MSH5: variants seen among roughly 807,000 people sequenced by gnomAD.
MSH5 encodes mutS protein homolog 5.
MSH5 carries 78 observed loss-of-function variants against 107.7 expected under a neutral mutation model. The ratio of observed to expected loss-of-function variants is 0.72; its 90% CI spans 0.60 to 0.87. MSH5 has a LOEUF of 0.87. Ranked by LOEUF, MSH5 falls within the 40% of genes least tolerant of loss-of-function variation. The pLI is 0.00. For synonymous variants in MSH5, 326 were observed against 399.5 expected (o/e 0.82, Z 2.19); for missense variants, 889 against 1,046.6 (o/e 0.85, Z 2.08).
Position 31,745,225 on chromosome 6 carries a change from TCTC to T in MSH5, c.684-8_684-6del. On this transcript the variant is annotated splice_polypyrimidine_tract_variant and intron_variant, in intron 8 of 24. Coordinates refer to ENST00000375750, the MANE Select transcript of MSH5 (RefSeq NM_172166.4). ...CCAAGTTACCCCAAACTCCTCCATT[TCTC>T]CTCGACAGTGTTCTACAGATTTTTA... 1 of 1,592,280 alleles carries T rather than the reference TCTC, an allele frequency of 6.3e-7. No individual in the cohort carries two copies. The highest frequency in any genetic ancestry group is 8.6e-7 in the Non-Finnish European group (1 of 1,160,334).
chr6:31,748,634 G>T (rs1237213196), intron 10 of MSH5, among the ~76,000 whole-genome samples: 1 of 151,922 alleles, frequency 6.6e-6, no homozygotes, highest in African/African-American at 2.4e-5. Flanking sequence ...GAGTCACTGC[G>T]CCTGGCCGTC....
At chr6:31,753,734 T>A in intron 12 of MSH5, 105 bp downstream of exon 12, 7 of 210,284 alleles carry the variant, frequency 3.3e-5, no homozygotes, top group Non-Finnish European at 5.5e-5. Context: ...TTCTACCCTC[T>A]TTTTTTTTTT....
chr6:31,749,629 A>G (rs1809777234), intron 10 of MSH5, among the ~76,000 whole-genome samples: 2 of 151,762 alleles, frequency 1.3e-5, no homozygotes, highest in South Asian at 4.1e-4. Context: ...GTTGATGTGC[A>G]CCTTCTTTGT....
At chr6:31,753,866 C>G (rs994857457) in intron 12 of MSH5, 19 of 465,372 alleles carry the variant, frequency 4.1e-5, no homozygotes, top group South Asian at 7.8e-5. Context: ...GTTGGGATTA[C>G]AAGCGCCCGC....
chr6:31,758,193 A>G lies in MSH5; in HGVS notation c.1043A>G (p.Asp348Gly). Residue 348 changes from aspartate to glycine, a missense_variant, in exon 13 of 25, where the codon GAT becomes GGT. By Grantham distance (94) the Asp-to-Gly change is moderately conservative. Coordinates refer to ENST00000375750, the MANE Select transcript of MSH5 (RefSeq NM_172166.4). This position sits in a 1 kb window ranked among gnomAD's most constrained non-coding sequence, Gnocchi z 5.1. ...GTGTACAGTGCCCTGGGCCTGAGGG[A>G]TGCCTGCCGCTCCCTGCCGCAGTCC... ...KTVYSALGLR[D>G]ACRSLPQSIQ... The G allele has an allele frequency of 6.2e-7, 1 of 1,612,938 alleles. No individual in the cohort carries two copies. Among genetic ancestry groups the G allele is most frequent in the Non-Finnish European group, 8.5e-7 (1 of 1,180,006 alleles).
At chr6:31,744,475 A>G (rs1320443835) in intron 7 of MSH5, 71 bp from the exon 8 acceptor site, 48 of 1,576,998 alleles carry the variant, frequency 3.0e-5, no homozygotes, top group Non-Finnish European at 4.0e-5. Flanking sequence ...ATATTCAGAG[A>G]GGGGGACAAA....
chr6:31,741,138 A>G, intron 2 of MSH5, 25 bp from the exon 3 acceptor site: 1 of 1,612,056 alleles, frequency 6.2e-7, no homozygotes, highest in Non-Finnish European at 8.5e-7. Flanking sequence ...TCTAATAGTG[A>G]TTTCCTTTCT....
intron 3 of MSH5, 87 bp downstream of exon 3, chr6:31,741,373 ACACACACACATAT>A (rs1808878494): frequency 2.3e-5 from 22 of 964,246 alleles, no homozygotes; most frequent in Admixed American, 2.4e-5. Context: ...ACACACACAC[ACACACACACATAT>A]TTTTTTTTTC....
At chr6:31,747,729 G>T (rs957391407) in intron 10 of MSH5, among the ~76,000 whole-genome samples, 4 of 152,142 alleles carry the variant, frequency 2.6e-5, no homozygotes, top group South Asian at 2.1e-4. Flanking sequence ...TGTAAGGCCG[G>T]GCACAGTGGC....
Position 31,759,729 on chromosome 6 carries a change from C to G in MSH5, c.1496-57C>G. On this transcript the variant is annotated intron_variant, in intron 17 of 24. Coordinates refer to ENST00000375750, the MANE Select transcript of MSH5 (RefSeq NM_172166.4). The surrounding 1 kb of genome is among the most constrained non-coding windows in gnomAD (Gnocchi z 4.7). Reference sequence around the variant, plus strand: ...TCCAGATCCCCCTAGGGGCCTCTGCCTCTCCTTCACTTTCCCCTGGAACTG... The same window carrying G: ...TCCAGATCCCCCTAGGGGCCTCTGCGTCTCCTTCACTTTCCCCTGGAACTG... The G allele has an allele frequency of 2.5e-6, 4 of 1,585,250 alleles. No individual in the cohort carries two copies. Among genetic ancestry groups the G allele is most frequent in the Non-Finnish European group, 3.4e-6 (4 of 1,164,326 alleles).
Position 31,762,437 on chromosome 6 carries a change from A to G in MSH5, c.2411A>G (p.Asp804Gly), listed in dbSNP as rs2151381949. The G allele has an allele frequency of 2.5e-6, 4 of 1,613,486 alleles. No homozygotes were observed. Among genetic ancestry groups the G allele is most frequent in the Non-Finnish European group, 8.5e-7 (1 of 1,179,582 alleles). ...TTCTTCAGTTGCCAGACATTAGTGGATAAGTTTATGAAACTGGATTTGGAA... is the reference window on the plus strand; with the variant it reads ...TTCTTCAGTTGCCAGACATTAGTGGGTAAGTTTATGAAACTGGATTTGGAA... ...NQMENCQTLV[D>G]KFMKLDLEDP... Residue 804 changes from aspartate to glycine, a missense_variant, in exon 25 of 25, where the codon GAT (aspartate) becomes GGT (glycine). Asp to Gly is a moderately conservative substitution (Grantham distance 94). Coordinates refer to ENST00000375750, the MANE Select transcript of MSH5 (RefSeq NM_172166.4).
chr6:31,744,764 T>G (rs1369028601), intron 8 of MSH5, among the ~76,000 whole-genome samples, 183 bp downstream of exon 8: 1 of 152,028 alleles, frequency 6.6e-6, no homozygotes, highest in Non-Finnish European at 1.5e-5. Flanking sequence ...ATACTAGCTT[T>G]CTTTTCTATA....
At chr6:31,752,101 AAATAAT>A (rs1290304548) in intron 10 of MSH5, among the ~76,000 whole-genome samples, 8 of 151,528 alleles carry the variant, frequency 5.3e-5, no homozygotes, top group Non-Finnish European at 8.8e-5. Context: ...TCCATCTCAA[AAATAAT>A]AATAATAATA....
intron 3 of MSH5, 85 bp downstream of exon 3, chr6:31,741,371 A>G: frequency 8.7e-7 from 1 of 1,150,338 alleles, no homozygotes; most frequent in Non-Finnish European, 1.2e-6. Context: ...ACACACACAC[A>G]CACACACACA....
At position 31,744,742 on chromosome 6, in the gene MSH5, AAAAGCAT is replaced by A. The variant is rs151251433; in HGVS notation, c.683+166_683+172del. 3.2e-3 allele frequency among the ~76,000 whole-genome samples: 483 copies of A among 152,290 alleles called. 1 individual carries two copies. The highest frequency in any genetic ancestry group is 5.5e-3 in the Non-Finnish European group (374 of 68,024). On this transcript the variant is annotated intron_variant, in intron 8 of 24. Coordinates refer to ENST00000375750, the MANE Select transcript of MSH5 (RefSeq NM_172166.4). ...GGGGTTTTGAGGGAAAGAGAGGAAGAAAAGCATAAAGATACTAGCTTTCTTTTCTATA... is the reference window on the plus strand; with the variant it reads ...GGGGTTTTGAGGGAAAGAGAGGAAGAAAAGATACTAGCTTTCTTTTCTATA...
At chr6:31,752,371 A>T (rs992508877) in intron 10 of MSH5, among the ~76,000 whole-genome samples, 3 of 151,370 alleles carry the variant, frequency 2.0e-5, no homozygotes, top group Non-Finnish European at 4.4e-5. Flanking sequence ...GTGCTACTGC[A>T]CTCTAGCCTG....
Position 31,740,159 on chromosome 6 carries a change from G to A in MSH5, c.-14+97G>A. ...GGGTCCTGGCGCGTGGTTGGCAGAG[G>A]CAGAGACATAAGACGTGCACGACTC... On this transcript the variant is annotated intron_variant, in intron 1 of 24. Coordinates refer to ENST00000375750, the MANE Select transcript of MSH5 (RefSeq NM_172166.4). This position sits in a 1 kb window ranked among gnomAD's most constrained non-coding sequence, Gnocchi z 4.4. 1 of 294,382 alleles carries A rather than the reference G, an allele frequency of 3.4e-6. No individual in the cohort carries two copies. 18.2% of individuals were successfully genotyped at this position (294,382 alleles called of 1,614,324 possible).
Position 31,761,786 on chromosome 6 carries a change from T to C in MSH5, c.2182-32T>C. On this transcript the variant is annotated intron_variant, in intron 22 of 24. Transcript: ENST00000375750. The surrounding 1 kb of genome is among the most constrained non-coding windows in gnomAD (Gnocchi z 5.3). Reference sequence around the variant, plus strand: ...GGTTTCAGGACAGGAAGGAGGTGATTGATGATACACTGTCTTTTATTCTCT... The same window carrying C: ...GGTTTCAGGACAGGAAGGAGGTGATCGATGATACACTGTCTTTTATTCTCT... 2 of 1,613,078 alleles carry C rather than the reference T, an allele frequency of 1.2e-6. No individual in the cohort carries two copies. The highest frequency in any genetic ancestry group is 1.7e-5 in the Admixed American group (1 of 60,020).
intron 3 of MSH5, among the ~76,000 whole-genome samples, chr6:31,741,742 T>A: frequency 6.7e-6 from 1 of 149,478 alleles, no homozygotes; most frequent in African/African-American, 2.5e-5. Context: ...TGTAAGGAAA[T>A]ACCTGACTCT....
Sources: gnomAD v4.1 joint callset for allele counts (sites outside exome capture counted in the v4.1 genomes callset) on GRCh38, gnomAD v4.1.1 for gene constraint, Gnocchi (gnomAD v3.1) non-coding constraint, MANE v1.5 for transcripts, NCBI Gene and HGNC (gene_info 2026-07-23, HGNC 2026-07-21) for gene names.